The following CXADR variants were observed in gnomAD, a reference collection of about 807,000 sequenced individuals.
The protein encoded by CXADR is CXADR cell adhesion molecule, also known as coxsackievirus and adenovirus receptor.
In CXADR, 20 loss-of-function variants were observed where a neutral mutation model predicts 40.3. The ratio of observed to expected loss-of-function variants is 0.50; its 90% CI spans 0.35 to 0.72. The LOEUF (loss-of-function observed/expected upper bound fraction) is 0.72, where lower values mean the gene tolerates loss of function less well. CXADR is among the 30% of genes least tolerant of loss of function. The pLI is 0.01. For missense variants in CXADR, 332 were observed against 449.1 expected (o/e 0.74, Z 2.36); for synonymous variants, 150 against 161.3 (o/e 0.93, Z 0.53).
chr21:17,560,499 C>T (rs951385842), intron 4 of CXADR, among the ~76,000 whole-genome samples: 4 of 152,172 alleles, frequency 2.6e-5, no homozygotes, highest in Non-Finnish European at 5.9e-5. Flanking sequence ...ATCATGGTTA[C>T]TTTCACCTTG....
Position 17,519,996 on chromosome 21 carries a change from C to T in CXADR, c.43+6824C>T, listed in dbSNP as rs553152121. ...ATGTATACACACACACACACACGCA[C>T]GCACATGCACACACACACATATATA... On this transcript the variant is annotated intron_variant, in intron 1 of 6. Coordinates refer to ENST00000284878, the MANE Select transcript of CXADR (RefSeq NM_001338.5). Among the ~76,000 whole-genome samples the T allele has an allele frequency of 6.6e-5, 10 of 151,954 alleles. No individual in the cohort carries two copies. The East Asian group carries it at 7.7e-4, about 12-fold the overall frequency.
the CXADR span, among the ~76,000 whole-genome samples, chr21:17,610,677 T>C: frequency 6.6e-6 from 1 of 152,200 alleles, no homozygotes; most frequent in Non-Finnish European, 1.5e-5. Context: ...CCTGGAGTTA[T>C]TAAGATGCTG....
downstream of CXADR, among the ~76,000 whole-genome samples, chr21:17,597,140 T>A (rs2061514407): frequency 6.6e-6 from 1 of 152,036 alleles, no homozygotes; most frequent in African/African-American, 2.4e-5. Context: ...ACACCTCAAT[T>A]TCCATACCTT....
At chr21:17,604,028 G>A in the CXADR span, 26 of 805,600 alleles carry the variant, frequency 3.2e-5, no homozygotes, top group East Asian at 3.0e-3. Flanking sequence ...TTGAGCAAGT[G>A]GAGTTCAAAA....
the CXADR span, among the ~76,000 whole-genome samples, chr21:17,616,954 A>G: frequency 1.3e-5 from 2 of 152,258 alleles, no homozygotes; most frequent in South Asian, 4.1e-4. Context: ...TCTCCGTTAC[A>G]TCATGCCATA....
At chr21:17,592,807 A>G (rs1261303054) in intron 7 of CXADR, among the ~76,000 whole-genome samples, 1 of 151,958 alleles carries the variant, frequency 6.6e-6, no homozygotes, top group East Asian at 1.9e-4. Flanking sequence ...AAAGAGTACA[A>G]TATTAAAGCT....
At chr21:17,596,160 G>C (rs1016433460), downstream of CXADR, among the ~76,000 whole-genome samples, 2 of 151,632 alleles carry the variant, frequency 1.3e-5, no homozygotes, top group African/African-American at 4.8e-5. Flanking sequence ...ATTTGTGAGC[G>C]ATTTTAAAAA....
chr21:17,590,228 ATT>A (rs35390860), intron 7 of CXADR, among the ~76,000 whole-genome samples: 4 of 146,458 alleles, frequency 2.7e-5, no homozygotes, highest in African/African-American at 9.9e-5. Context: ...GTAGCTAGGT[ATT>A]TTTTTTTTTT....
intron 3 of CXADR, among the ~76,000 whole-genome samples, chr21:17,557,291 A>G (rs951800325): frequency 6.6e-6 from 1 of 152,126 alleles, no homozygotes; most frequent in Admixed American, 6.5e-5. Context: ...GCAGACCCAC[A>G]TTTCTCTACC....
intron 2 of CXADR, among the ~76,000 whole-genome samples, chr21:17,549,656 A>G (rs537032105): frequency 1.2e-4 from 19 of 152,178 alleles, no homozygotes; most frequent in African/African-American, 2.2e-4. Flanking sequence ...ACTAATATTT[A>G]TAACATTGTT....
Position 17,566,913 on chromosome 21 carries a change from G to A in CXADR, c.*1221G>A. 1 of 977,182 alleles carries A rather than the reference G, an allele frequency of 1.0e-6. No homozygotes were observed. The highest frequency in any genetic ancestry group is 1.2e-6 in the Non-Finnish European group (1 of 825,470). 60.5% of individuals were successfully genotyped at this position (977,182 alleles called of 1,614,324 possible). ...GCAAATCAAGCTGAGCTTTGAAAAA[G>A]TTTGTCTTAGTTTTGTGAAGGTGAT... On this transcript the variant is annotated 3_prime_UTR_variant, in exon 7 of 7. Transcript: ENST00000284878.
At chr21:17,559,607 T>C (rs1192337903) in intron 4 of CXADR, among the ~76,000 whole-genome samples, 1 of 151,722 alleles carries the variant, frequency 6.6e-6, no homozygotes. Flanking sequence ...ATATTATAAA[T>C]GAAGAGCTAT....
chr21:17,579,674 A>C (rs916227012), intron 7 of CXADR, among the ~76,000 whole-genome samples: 1 of 152,192 alleles, frequency 6.6e-6, no homozygotes, highest in African/African-American at 2.4e-5. Context: ...AAAAGAGATG[A>C]AATTTAGGAA....
intron 6 of CXADR, among the ~76,000 whole-genome samples, chr21:17,563,940 C>CTAA (rs2061161835): frequency 2.7e-5 from 1 of 37,222 alleles, no homozygotes; most frequent in African/African-American, 7.7e-5. Context: ...GACTCTGTCT[C>CTAA]AAAAAAAAAA....
intron 2 of CXADR, 135 bp from the exon 3 acceptor site, chr21:17,551,614 A>G (rs2060969599): frequency 1.4e-6 from 1 of 699,248 alleles, no homozygotes; most frequent in South Asian, 2.0e-5. Context: ...ATGTTTCCCC[A>G]TAATACTGTG....
At position 17,565,806 on chromosome 21, in the gene CXADR, T is replaced by C. The variant is rs964257548; in HGVS notation, c.*114T>C. The C allele has an allele frequency of 2.8e-6, 4 of 1,449,888 alleles. No homozygotes were observed. Among genetic ancestry groups the C allele is most frequent in the Admixed American group, 2.7e-5 (1 of 36,828 alleles). The allele number at this position is 1,449,888 out of a possible 1,614,324, so 89.8% of individuals were successfully genotyped here. A position where few individuals can be genotyped will look rare whatever the true frequency, so the allele number is the denominator to read the frequency against. ...CCTCAAAATACATCAAAAAATAAGT[T>C]AATCAGGAACTGTACGGAATATATT... On this transcript the variant is annotated 3_prime_UTR_variant, in exon 7 of 7. Coordinates refer to ENST00000284878, the MANE Select transcript of CXADR (RefSeq NM_001338.5).
At chr21:17,613,525 G>A in the CXADR span, 1 of 152,426 alleles carries the variant, frequency 6.6e-6, no homozygotes, top group African/African-American at 2.4e-5. Flanking sequence ...CTCACAGCAG[G>A]GCCTGCCTCC....
the CXADR span, chr21:17,604,799 G>A: frequency 6.4e-7 from 1 of 1,563,984 alleles, no homozygotes; most frequent in Non-Finnish European, 8.7e-7. Context: ...GTACATGACA[G>A]AATGTCATAA....
At chr21:17,616,841 A>T in the CXADR span, among the ~76,000 whole-genome samples, 1 of 152,222 alleles carries the variant, frequency 6.6e-6, no homozygotes, top group East Asian at 1.9e-4. Flanking sequence ...TAACTAAATT[A>T]AAAAAGACTA....
Sources: allele counts gnomAD v4.1 joint callset (sites outside exome capture counted in the v4.1 genomes callset), GRCh38; gene constraint gnomAD v4.1.1; transcripts MANE v1.5; gene names NCBI Gene and HGNC (gene_info 2026-07-23, HGNC 2026-07-21).